TRPM3: variants seen among roughly 807,000 people sequenced by gnomAD.
The protein encoded by TRPM3 is long transient receptor potential channel 3.
A neutral mutation model predicts 181.2 loss-of-function variants in TRPM3; 77 were observed. The observed-to-expected ratio is 0.42, with a 90% CI of 0.35 to 0.51. TRPM3 has a LOEUF of 0.51. Among genes scored for constraint, TRPM3 ranks in the 20% least tolerant of loss-of-function variants. The pLI, the probability that TRPM3 is intolerant of heterozygous loss-of-function variation, is 0.01. For missense variants in TRPM3, 1,759 were observed against 2,196.7 expected (o/e 0.80, Z 3.98); for synonymous variants, 745 against 796.4 (o/e 0.94, Z 1.09).
intron 6 of TRPM3, among the ~76,000 whole-genome samples, chr9:70,788,384 T>C (rs1274168571): frequency 6.6e-6 from 1 of 152,108 alleles, no homozygotes; most frequent in Non-Finnish European, 1.5e-5. Flanking sequence ...TGAAACTCAC[T>C]GAGGCCTCTG....
chr9:71,041,644 A>G (rs74464479), intron 1 of TRPM3, among the ~76,000 whole-genome samples: 6,808 of 152,242 alleles, frequency 0.045, 249 homozygotes, highest in African/African-American at 0.097. Flanking sequence ...GCCATTCACA[A>G]AAAGGTTTAG....
At chr9:70,872,202 T>A (rs2095800510) in intron 1 of TRPM3, among the ~76,000 whole-genome samples, 1 of 151,904 alleles carries the variant, frequency 6.6e-6, no homozygotes, top group African/African-American at 2.4e-5. Context: ...AGAACTCCCA[T>A]AAACAACAAG....
At chr9:70,557,317 C>A (rs4364689) in intron 22 of TRPM3, among the ~76,000 whole-genome samples, 35,482 of 152,088 alleles carry the variant, frequency 0.23, 4,835 homozygotes, top group Admixed American at 0.31. Flanking sequence ...ACGGCAATAT[C>A]CGTGAATTAG....
chr9:70,948,281 T>C (rs1443590635), intron 1 of TRPM3, among the ~76,000 whole-genome samples: 1 of 149,460 alleles, frequency 6.7e-6, no homozygotes, highest in African/African-American at 2.6e-5. Flanking sequence ...TTCTCAAATA[T>C]AAATTATTAT....
intron 17 of TRPM3, among the ~76,000 whole-genome samples, chr9:70,617,363 G>A (rs2133138126): frequency 6.6e-6 from 1 of 152,262 alleles, no homozygotes; most frequent in East Asian, 1.9e-4. Context: ...GTGGTATGGA[G>A]AAGGGGTATT....
At chr9:70,847,380 A>T (rs1272047870) in intron 3 of TRPM3, among the ~76,000 whole-genome samples, 1 of 152,220 alleles carries the variant, frequency 6.6e-6, no homozygotes, top group Non-Finnish European at 1.5e-5. Flanking sequence ...AAAACTGGGC[A>T]AATATAGAAA....
intron 8 of TRPM3, among the ~76,000 whole-genome samples, chr9:70,754,634 G>A (rs1002922776): frequency 5.9e-5 from 9 of 152,160 alleles, no homozygotes; most frequent in Non-Finnish European, 1.3e-4. Context: ...GCTTTATTAT[G>A]TAAGTCAGTT....
At chr9:71,111,997 T>C (rs2071214339) in intron 1 of TRPM3, among the ~76,000 whole-genome samples, 1 of 152,214 alleles carries the variant, frequency 6.6e-6, no homozygotes, top group Non-Finnish European at 1.5e-5. Context: ...TGATACATGA[T>C]ATAGTAAAAT....
chr9:71,405,301 A>G (rs932918349), intron 1 of TRPM3, among the ~76,000 whole-genome samples: 1 of 152,212 alleles, frequency 6.6e-6, no homozygotes. Flanking sequence ...AAAATGCACA[A>G]ATTTTTTTTA....
chr9:71,131,711 G>C (rs1039419484), intron 1 of TRPM3, among the ~76,000 whole-genome samples: 1 of 152,094 alleles, frequency 6.6e-6, no homozygotes, highest in African/African-American at 2.4e-5. Context: ...AAAAGTCTAA[G>C]AATTGTTTAT....
intron 1 of TRPM3, among the ~76,000 whole-genome samples, chr9:70,930,124 TG>T (rs1490753258): frequency 6.6e-6 from 1 of 152,092 alleles, no homozygotes; most frequent in African/African-American, 2.4e-5. Flanking sequence ...TCCATCTGTT[TG>T]GGGGTGGTAG....
At chr9:70,870,337 T>G (rs1200229825) in intron 1 of TRPM3, among the ~76,000 whole-genome samples, 9 of 152,138 alleles carry the variant, frequency 5.9e-5, no homozygotes, top group Admixed American at 5.2e-4. Flanking sequence ...AACAATAAAC[T>G]ACCTAGTGAC....
In TRPM3 at chr9:70,630,668, G is replaced by A. The variant is rs142361387; in HGVS notation, c.1632+4543C>T. Among the ~76,000 whole-genome samples the A allele has an allele frequency of 9.7e-3, 1,474 of 152,252 alleles. 22 individuals are homozygous for A. Among genetic ancestry groups the A allele is most frequent in the African/African-American group, 0.034 (1,398 of 41,534 alleles). ...TTCTAGCACTTCCCCCTCCCCCTTC[G>A]GTAATGACTTTGGTAATTGGTAAAG... On this transcript the variant is annotated intron_variant, in intron 12 of 25. Coordinates refer to ENST00000677713, the MANE Select transcript of TRPM3 (RefSeq NM_001366145.2).
Position 70,574,926 on chromosome 9 carries a change from C to A in TRPM3, c.3223+16105G>T, listed in dbSNP as rs1051477445. On this transcript the variant is annotated intron_variant, in intron 22 of 25. Coordinates refer to ENST00000677713, the MANE Select transcript of TRPM3 (RefSeq NM_001366145.2). The stretch of plus-strand genomic sequence containing the variant: ...GTTGTTTCAGTGAGCTTGTTTTTTT[C>A]TTTTCTTTCTTTTTTTTTTTTAAAT... Among the ~76,000 whole-genome samples the A allele has an allele frequency of 2.6e-5, 4 of 151,114 alleles. 1 individual carries two copies. Among genetic ancestry groups the A allele is most frequent in the Admixed American group, 6.6e-5 (1 of 15,144 alleles).
chr9:71,178,528 A>C (rs2077229364), intron 1 of TRPM3, among the ~76,000 whole-genome samples: 1 of 152,154 alleles, frequency 6.6e-6, no homozygotes, highest in South Asian at 2.1e-4. Context: ...GATGTTTAAG[A>C]GTTAAAAAAT....
intron 1 of TRPM3, among the ~76,000 whole-genome samples, chr9:71,241,788 A>G (rs149750398): frequency 6.6e-6 from 1 of 152,350 alleles, no homozygotes; most frequent in East Asian, 1.9e-4. Context: ...AAAAAAAATC[A>G]TAGAAATACA....
intron 1 of TRPM3, among the ~76,000 whole-genome samples, chr9:71,313,833 G>C (rs1001389266): frequency 6.6e-6 from 1 of 151,928 alleles, no homozygotes; most frequent in South Asian, 2.1e-4. Flanking sequence ...CATTTTTCTG[G>C]TTGTAAATAT....
chr9:71,107,876 T>A (rs2070079895), intron 1 of TRPM3, among the ~76,000 whole-genome samples: 1 of 152,218 alleles, frequency 6.6e-6, no homozygotes, highest in Non-Finnish European at 1.5e-5. Context: ...TGACATTACT[T>A]CCAAACAATG....
chr9:70,623,255 A>G (rs2063907133), intron 14 of TRPM3, among the ~76,000 whole-genome samples: 1 of 151,748 alleles, frequency 6.6e-6, no homozygotes, highest in African/African-American at 2.4e-5. Context: ...AATGCCGGCT[A>G]CTCGGGAGGC....
Sources: gnomAD v4.1 joint callset for allele counts (sites outside exome capture counted in the v4.1 genomes callset) on GRCh38, gnomAD v4.1.1 for gene constraint, MANE v1.5 for transcripts, NCBI Gene and HGNC (gene_info 2026-07-23, HGNC 2026-07-21) for gene names.